The following ZFYVE28 variants were observed in gnomAD, a reference collection of about 807,000 sequenced individuals.
The protein encoded by ZFYVE28 is zinc finger FYVE-type containing 28.
A neutral mutation model predicts 82.1 loss-of-function variants in ZFYVE28; 40 were observed. That is an observed-to-expected ratio of 0.49 (90% CI 0.38 to 0.63). ZFYVE28 has a LOEUF of 0.63. Among genes scored for constraint, ZFYVE28 ranks in the 30% least tolerant of loss-of-function variants. The pLI, the probability that ZFYVE28 is intolerant of heterozygous loss-of-function variation, is 0.00. For missense variants in ZFYVE28, 1,321 were observed against 1,242.1 expected (o/e 1.06, Z -0.96); for synonymous variants, 612 against 546.1 (o/e 1.12, Z -1.68).
intron 5 of ZFYVE28, among the ~76,000 whole-genome samples, chr4:2,336,775 G>GTGAGGAGGGGAGGAGTGAGGAGA (rs1721793627): frequency 7.8e-6 from 1 of 128,704 alleles, no homozygotes; most frequent in South Asian, 2.9e-4. Context: ...GAGTGAGGAG[G>GTGAGGAGGGGAGGAGTGAGGAGA]TGAGGAGGTG....
intron 7 of ZFYVE28, among the ~76,000 whole-genome samples, chr4:2,318,601 C>T (rs955178658): frequency 3.9e-5 from 6 of 152,156 alleles, no homozygotes; most frequent in South Asian, 2.1e-4. Flanking sequence ...CACTGTTTTC[C>T]CTGGGTGGGC....
At chr4:2,406,376 A>C (rs970926794) in intron 1 of ZFYVE28, among the ~76,000 whole-genome samples, 4 of 151,934 alleles carry the variant, frequency 2.6e-5, no homozygotes, top group African/African-American at 9.7e-5. Flanking sequence ...TGTCTCAAAA[A>C]AAAACAAAAC....
At chr4:2,342,473 A>C (rs1722969099) in intron 2 of ZFYVE28, 1 of 152,182 alleles carries the variant, frequency 6.6e-6, no homozygotes, top group African/African-American at 2.4e-5. Flanking sequence ...AGCTTACGAC[A>C]GCCTCAAACT....
chr4:2,369,156 C>T (rs1171725701), intron 1 of ZFYVE28, among the ~76,000 whole-genome samples: 1 of 152,230 alleles, frequency 6.6e-6, no homozygotes, highest in African/African-American at 2.4e-5. Context: ...CTTAGAGGGG[C>T]ATCCCTGCCA....
intron 4 of ZFYVE28, among the ~76,000 whole-genome samples, chr4:2,338,207 C>A (rs966006633): frequency 4.6e-5 from 7 of 152,238 alleles, no homozygotes; most frequent in African/African-American, 1.7e-4. Flanking sequence ...CTGGGCACAG[C>A]GGCTTGCAGG....
chr4:2,395,827 G>A (rs1047817344), intron 1 of ZFYVE28, among the ~76,000 whole-genome samples: 4 of 151,682 alleles, frequency 2.6e-5, no homozygotes, highest in Admixed American at 6.6e-5. Flanking sequence ...AGGAGGCGGC[G>A]GGACTCCAGA....
chr4:2,329,892 G>C (rs756208878), intron 6 of ZFYVE28, among the ~76,000 whole-genome samples: 3 of 152,080 alleles, frequency 2.0e-5, no homozygotes, highest in Non-Finnish European at 4.4e-5. Context: ...GATAATCTTT[G>C]TGGATATATA....
chr4:2,284,421 G>A (rs1156327937), intron 8 of ZFYVE28, among the ~76,000 whole-genome samples: 3 of 152,178 alleles, frequency 2.0e-5, no homozygotes, highest in Non-Finnish European at 2.9e-5. Context: ...GAGGAGGAGA[G>A]CGCGACGGGG....
At chr4:2,347,321 A>G (rs565040021) in intron 2 of ZFYVE28, among the ~76,000 whole-genome samples, 10 of 152,226 alleles carry the variant, frequency 6.6e-5, no homozygotes, top group Non-Finnish European at 1.3e-4. Context: ...TATGGTCAGA[A>G]ACTTCAGTAC....
chr4:2,337,370 G>T (rs369518706), intron 5 of ZFYVE28, 37 bp downstream of exon 5: 1 of 1,555,876 alleles, frequency 6.4e-7, no homozygotes, highest in East Asian at 2.4e-5. Context: ...GGACTCCCCA[G>T]ATGCTGCCCC....
intron 1 of ZFYVE28, among the ~76,000 whole-genome samples, chr4:2,404,094 G>A (rs1261327069): frequency 6.6e-6 from 1 of 151,976 alleles, no homozygotes; most frequent in Non-Finnish European, 1.5e-5. Context: ...GCTGAGACGG[G>A]CGGATCACGA....
intron 1 of ZFYVE28, among the ~76,000 whole-genome samples, chr4:2,390,223 A>G (rs1416868493): frequency 2.0e-5 from 3 of 152,174 alleles, no homozygotes; most frequent in East Asian, 3.8e-4. Context: ...GCCGGCAGCT[A>G]CCAGAGGCTG....
At chr4:2,327,749 T>C (rs1359572214) in intron 6 of ZFYVE28, among the ~76,000 whole-genome samples, 1 of 152,218 alleles carries the variant, frequency 6.6e-6, no homozygotes, top group Admixed American at 6.5e-5. Context: ...TTGATTTGTG[T>C]ATATTGAACC....
chr4:2,353,104 C>A (rs1262965798), intron 2 of ZFYVE28, among the ~76,000 whole-genome samples: 1 of 152,220 alleles, frequency 6.6e-6, no homozygotes, highest in East Asian at 1.9e-4. Flanking sequence ...CACTGAACAG[C>A]CCAAAAAAGA....
chr4:2,382,071 A>G (rs970832208), intron 1 of ZFYVE28, among the ~76,000 whole-genome samples: 3 of 152,248 alleles, frequency 2.0e-5, no homozygotes, highest in Non-Finnish European at 2.9e-5. Flanking sequence ...CTGCGAGTGC[A>G]CAGAAGTCAA....
intron 8 of ZFYVE28, among the ~76,000 whole-genome samples, chr4:2,290,808 G>A (rs1713532475): frequency 6.6e-6 from 1 of 152,192 alleles, no homozygotes; most frequent in African/African-American, 2.4e-5. Context: ...TGGTGGGGAG[G>A]GGTGGGGGCC....
In ZFYVE28 at chr4:2,305,196, C is replaced by T. The variant is rs567373817; in HGVS notation, c.1144G>A (p.Glu382Lys). The change falls in exon 8 of 13, where the codon GAG (glutamate) becomes AAG (lysine). Residue 382 changes from glutamate (E) to lysine (K), a missense_variant. By Grantham distance (56) the Glu-to-Lys change is moderately conservative. This residue lies in a region of ZFYVE28 where 978 missense variants were observed against 833.7 expected (regional missense o/e 1.17). Coordinates refer to ENST00000290974, the MANE Select transcript of ZFYVE28 (RefSeq NM_020972.3). ...AGGCGCGGTCTACCTGGAGAGGCCT[C>T]CCCGCCTGGGCTGCCCTCCGCTCCT... is the stretch of plus-strand genomic sequence containing the variant. ...RPGAEGSPGG[E>K]ASPGRPRLRS... The T allele has an allele frequency of 1.2e-6, 2 of 1,602,376 alleles. No homozygotes were observed. The highest frequency in any genetic ancestry group is 4.5e-5 in the East Asian group (2 of 44,592).
intron 1 of ZFYVE28, among the ~76,000 whole-genome samples, chr4:2,365,878 G>T (rs1045719890): frequency 2.0e-5 from 3 of 152,238 alleles, no homozygotes; most frequent in African/African-American, 7.2e-5. Flanking sequence ...AGGCCCTGAG[G>T]TTCAGACACT....
intron 7 of ZFYVE28, among the ~76,000 whole-genome samples, chr4:2,310,506 CAA>C (rs1004903055): frequency 6.6e-6 from 1 of 151,220 alleles, no homozygotes; most frequent in African/African-American, 2.4e-5. Flanking sequence ...TATTGAAAAA[CAA>C]AAAAAAGAGT....
Sources: gnomAD v4.1 joint callset for allele counts (sites outside exome capture counted in the v4.1 genomes callset) on GRCh38, gnomAD v4.1.1 for gene constraint, gnomAD v4.1.1 regional missense constraint, MANE v1.5 for transcripts, NCBI Gene and HGNC (gene_info 2026-07-23, HGNC 2026-07-21) for gene names.